The following CSNK2A2IP variants were observed in gnomAD, a reference collection of about 807,000 sequenced individuals.
CSNK2A2IP encodes the protein casein kinase 2 subunit alpha' interacting protein.
chr3:88,421,558 G>T, the CSNK2A2IP span, among the ~76,000 whole-genome samples: 1 of 152,028 alleles, frequency 6.6e-6, no homozygotes, highest in East Asian at 1.9e-4. Context: ...GTTATTACAG[G>T]TGCATGCCAC....
the CSNK2A2IP span, among the ~76,000 whole-genome samples, chr3:88,346,852 G>A: frequency 1.3e-5 from 2 of 151,606 alleles, no homozygotes; most frequent in Admixed American, 1.3e-4. Context: ...AATACATTTT[G>A]TGAGGCTATA....
At chr3:88,424,452 G>C in the CSNK2A2IP span, among the ~76,000 whole-genome samples, 1 of 152,166 alleles carries the variant, frequency 6.6e-6, no homozygotes, top group Non-Finnish European at 1.5e-5. Flanking sequence ...ACTCAAAAGA[G>C]ATATGGTATT....
chr3:88,379,989 T>C, the CSNK2A2IP span, among the ~76,000 whole-genome samples: 1 of 152,146 alleles, frequency 6.6e-6, no homozygotes, highest in Non-Finnish European at 1.5e-5. Context: ...CGTTATATTA[T>C]ATTTGTAAGA....
chr3:88,408,082 A>G, the CSNK2A2IP span, among the ~76,000 whole-genome samples: 2 of 152,210 alleles, frequency 1.3e-5, no homozygotes, highest in Admixed American at 6.5e-5. Context: ...AAAGCAGTAT[A>G]TTCAGTTGAA....
At chr3:88,399,425 A>G in the CSNK2A2IP span, among the ~76,000 whole-genome samples, 2 of 152,292 alleles carry the variant, frequency 1.3e-5, no homozygotes, top group African/African-American at 4.8e-5. Context: ...CAAACGCCTC[A>G]CTCACTCTGC....
the CSNK2A2IP span, among the ~76,000 whole-genome samples, chr3:88,410,867 A>G: frequency 1.3e-5 from 2 of 152,010 alleles, no homozygotes; most frequent in Non-Finnish European, 2.9e-5. Context: ...TTTGTTATAT[A>G]TATAGAGAGC....
the CSNK2A2IP span, among the ~76,000 whole-genome samples, chr3:88,437,176 C>T: frequency 6.6e-6 from 1 of 152,132 alleles, no homozygotes; most frequent in Non-Finnish European, 1.5e-5. Context: ...TAGTTTTTCA[C>T]ACTTATGTAC....
At chr3:88,461,335 T>C in the CSNK2A2IP span, among the ~76,000 whole-genome samples, 1 of 151,876 alleles carries the variant, frequency 6.6e-6, no homozygotes, top group South Asian at 2.1e-4. Context: ...GGGTGGATCA[T>C]GAGGTCAGGA....
At chr3:88,385,917 A>G in the CSNK2A2IP span, among the ~76,000 whole-genome samples, 5,737 of 152,286 alleles carry the variant, frequency 0.038, 266 homozygotes, top group African/African-American at 0.11. Flanking sequence ...ATAAAAGTCA[A>G]TAGGAAACAG....
At chr3:88,450,559 G>A in the CSNK2A2IP span, among the ~76,000 whole-genome samples, 1 of 151,940 alleles carries the variant, frequency 6.6e-6, no homozygotes, top group Non-Finnish European at 1.5e-5. Flanking sequence ...TCTGTGTTTG[G>A]GTTATTTCAC....
chr3:88,388,433 G>T, the CSNK2A2IP span, among the ~76,000 whole-genome samples: 1 of 152,148 alleles, frequency 6.6e-6, no homozygotes, highest in Non-Finnish European at 1.5e-5. Context: ...GCAAAATGTA[G>T]TGTCAAAATG....
At chr3:88,443,025 TG>T in the CSNK2A2IP span, among the ~76,000 whole-genome samples, 3 of 152,314 alleles carry the variant, frequency 2.0e-5, no homozygotes, top group East Asian at 5.8e-4. Context: ...AATGTATGTT[TG>T]CTTTTAAAGA....
the CSNK2A2IP span, among the ~76,000 whole-genome samples, chr3:88,413,949 G>A: frequency 2.0e-5 from 3 of 151,744 alleles, no homozygotes; most frequent in African/African-American, 7.3e-5. Context: ...AATAACATGA[G>A]TAGGTTATCA....
the CSNK2A2IP span, among the ~76,000 whole-genome samples, chr3:88,416,954 G>A: frequency 6.6e-6 from 1 of 151,826 alleles, no homozygotes; most frequent in African/African-American, 2.4e-5. Flanking sequence ...CACTATGAGT[G>A]TCTCTCTGAA....
At chr3:88,446,711 A>C in the CSNK2A2IP span, among the ~76,000 whole-genome samples, 1 of 152,184 alleles carries the variant, frequency 6.6e-6, no homozygotes, top group East Asian at 1.9e-4. Flanking sequence ...GCCACTTATG[A>C]GATGGTGAAT....
the CSNK2A2IP span, among the ~76,000 whole-genome samples, chr3:88,411,300 T>C: frequency 2.6e-5 from 4 of 151,884 alleles, no homozygotes; most frequent in Non-Finnish European, 5.9e-5. Flanking sequence ...CTACAGTGTC[T>C]ACAAGTGACA....
At chr3:88,389,186 T>A in the CSNK2A2IP span, among the ~76,000 whole-genome samples, 2 of 151,556 alleles carry the variant, frequency 1.3e-5, no homozygotes, top group African/African-American at 4.8e-5. Flanking sequence ...AGCTACAATT[T>A]AAAATAGGGG....
chr3:88,411,081 T>C, the CSNK2A2IP span, among the ~76,000 whole-genome samples: 1 of 152,006 alleles, frequency 6.6e-6, no homozygotes, highest in Non-Finnish European at 1.5e-5. Context: ...TTGAATTTTA[T>C]ATTAGTCATT....
At chr3:88,455,843 G>A in the CSNK2A2IP span, among the ~76,000 whole-genome samples, 1 of 151,690 alleles carries the variant, frequency 6.6e-6, no homozygotes. Context: ...GTACATTTAA[G>A]TCTTTAATCC....
Sources: allele counts gnomAD v4.1 joint callset (sites outside exome capture counted in the v4.1 genomes callset), GRCh38; gene constraint gnomAD v4.1.1; transcripts MANE v1.5; gene names NCBI Gene and HGNC (gene_info 2026-07-23, HGNC 2026-07-21).